Variants in TASP1 observed in about 807,000 individuals in gnomAD.
The protein encoded by TASP1 is taspase 1, also known as threonine aspartase 1.
A neutral mutation model predicts 56.6 loss-of-function variants in TASP1; 16 were observed. The ratio of observed to expected loss-of-function variants is 0.28; its 90% CI spans 0.19 to 0.43. The LOEUF (loss-of-function observed/expected upper bound fraction) is 0.43. Among genes scored for constraint, TASP1 ranks in the 20% least tolerant of loss-of-function variants. The pLI, the probability that TASP1 is intolerant of heterozygous loss-of-function variation, is 1.00. For missense variants in TASP1, 393 were observed against 511.6 expected (o/e 0.77, Z 2.24); for synonymous variants, 179 against 184.2 (o/e 0.97, Z 0.23).
At chr20:13,393,083 T>A in intron 13 of TASP1, 1 of 613,440 alleles carries the variant, frequency 1.6e-6, no homozygotes, top group Non-Finnish European at 3.0e-6. Flanking sequence ...GCATGAACCA[T>A]GAGAAGTATG....
intron 4 of TASP1, among the ~76,000 whole-genome samples, chr20:13,606,458 A>T (rs946725540): frequency 6.6e-6 from 1 of 152,118 alleles, no homozygotes; most frequent in Non-Finnish European, 1.5e-5. Flanking sequence ...GACAGTATAC[A>T]TAATTTTTGT....
the TASP1 span, among the ~76,000 whole-genome samples, chr20:13,170,923 G>A: frequency 6.6e-6 from 1 of 152,142 alleles, no homozygotes; most frequent in Non-Finnish European, 1.5e-5. Flanking sequence ...GATGTGTAAT[G>A]GCTTCGCTGT....
intron 10 of TASP1, among the ~76,000 whole-genome samples, chr20:13,524,443 T>C (rs2044892893): frequency 6.6e-6 from 1 of 152,164 alleles, no homozygotes; most frequent in Admixed American, 6.6e-5. Flanking sequence ...TTTGAAAAAG[T>C]AAGCATTCTT....
the TASP1 span, chr20:13,159,876 C>T: frequency 7.8e-7 from 1 of 1,284,416 alleles, no homozygotes. Flanking sequence ...TCATCTTCCA[C>T]TTATTATCAT....
At chr20:13,150,842 C>G in the TASP1 span, among the ~76,000 whole-genome samples, 1 of 152,158 alleles carries the variant, frequency 6.6e-6, no homozygotes. Context: ...CTGGAATACT[C>G]TCCTCTAGCT....
chr20:13,215,634 C>G, the TASP1 span, among the ~76,000 whole-genome samples: 1 of 152,228 alleles, frequency 6.6e-6, no homozygotes, highest in Admixed American at 6.5e-5. Context: ...CCTATTTCAC[C>G]ACCGCTCCAG....
At chr20:13,347,047 T>C in the TASP1 span, among the ~76,000 whole-genome samples, 1 of 152,242 alleles carries the variant, frequency 6.6e-6, no homozygotes, top group African/African-American at 2.4e-5. Context: ...AGTGTTGATA[T>C]GGTAACTGAA....
intron 9 of TASP1, among the ~76,000 whole-genome samples, chr20:13,531,507 T>C (rs1381319949): frequency 4.2e-4 from 64 of 152,002 alleles, no homozygotes; most frequent in African/African-American, 1.4e-3. Context: ...TTTTTCTTTT[T>C]TTTGAGACAG....
At chr20:13,261,482 G>A in the TASP1 span, among the ~76,000 whole-genome samples, 10 of 151,988 alleles carry the variant, frequency 6.6e-5, no homozygotes, top group East Asian at 1.9e-4. Context: ...TACCTGAGGC[G>A]TGGATCTTTA....
chr20:13,221,531 C>T, the TASP1 span, among the ~76,000 whole-genome samples: 1 of 144,808 alleles, frequency 6.9e-6, no homozygotes, highest in Non-Finnish European at 1.5e-5. Flanking sequence ...CACCCCCGGC[C>T]TCGCGGTGGC....
the TASP1 span, chr20:13,292,602 G>A: frequency 4.7e-6 from 3 of 640,440 alleles, no homozygotes; most frequent in African/African-American, 5.5e-5. Flanking sequence ...CATGTGTCTT[G>A]CTTGCTGAAT....
chr20:13,435,029 ATAT>A lies in TASP1; in HGVS notation c.1096+12_1096+14del. 6.4e-7 allele frequency: 1 copy of A among 1,553,446 alleles called. No homozygotes were observed. Among genetic ancestry groups the A allele is most frequent in the Non-Finnish European group, 8.8e-7 (1 of 1,131,400 alleles). The stretch of plus-strand genomic sequence containing the variant: ...AAAAATAGAAAGACACACACAATGT[ATAT>A]GTCTCACTTACCTAGAAGTGTCTGC... On this transcript the variant is annotated intron_variant, in intron 12 of 13. Transcript: ENST00000337743.
At chr20:13,627,747 A>G (rs2048946771) in intron 2 of TASP1, among the ~76,000 whole-genome samples, 1 of 151,914 alleles carries the variant, frequency 6.6e-6, no homozygotes, top group African/African-American at 2.4e-5. Flanking sequence ...AAAAAAAAAA[A>G]AAGTTGAGCC....
the TASP1 span, among the ~76,000 whole-genome samples, chr20:13,186,226 C>A: frequency 1.3e-5 from 2 of 152,190 alleles, no homozygotes; most frequent in South Asian, 2.1e-4. Context: ...TCCCTCCTGG[C>A]TCTGGCTGGG....
the TASP1 span, among the ~76,000 whole-genome samples, chr20:13,330,155 T>A: frequency 6.6e-6 from 1 of 152,016 alleles, no homozygotes; most frequent in Admixed American, 6.6e-5. Flanking sequence ...TGGAGTTTCA[T>A]CATGTTGGCC....
At chr20:13,273,215 T>TTTTTATTTTATTTTATTTTATTTTA in the TASP1 span, among the ~76,000 whole-genome samples, 16,242 of 130,564 alleles carry the variant, frequency 0.12, 2,248 homozygotes, top group African/African-American at 0.31. Flanking sequence ...ACTTGGGTCT[T>TTTTTATTTTATTTTATTTTATTTTA]TTTTATTTTA....
chr20:13,110,073 C>A, the TASP1 span: 1 of 1,538,758 alleles, frequency 6.5e-7, no homozygotes, highest in Non-Finnish European at 8.8e-7. Flanking sequence ...AAAGTAAACC[C>A]TTTCATGACT....
the TASP1 span, among the ~76,000 whole-genome samples, chr20:13,339,929 G>T: frequency 6.6e-6 from 1 of 151,744 alleles, no homozygotes; most frequent in South Asian, 2.1e-4. Context: ...TCTTATTATA[G>T]AAACACAAAG....
At chr20:13,161,845 CAG>C in the TASP1 span, among the ~76,000 whole-genome samples, 1 of 152,174 alleles carries the variant, frequency 6.6e-6, no homozygotes, top group African/African-American at 2.4e-5. Context: ...CACACACACA[CAG>C]AGTTGCCATG....
Sources: allele counts gnomAD v4.1 joint callset (sites outside exome capture counted in the v4.1 genomes callset), GRCh38; gene constraint gnomAD v4.1.1; transcripts MANE v1.5; gene names NCBI Gene and HGNC (gene_info 2026-07-23, HGNC 2026-07-21).